Variants in CELF4 observed in about 807,000 individuals in gnomAD.
The protein encoded by CELF4 is CUG-BP- and ETR-3-like factor 4.
In CELF4, 18 loss-of-function variants were observed where a neutral mutation model predicts 59.9. The ratio of observed to expected loss-of-function variants is 0.30; its 90% CI spans 0.21 to 0.45. CELF4 has a LOEUF of 0.45. Ranked by LOEUF, CELF4 falls within the 20% of genes least tolerant of loss-of-function variation. The probability of loss-of-function intolerance (pLI) is 1.00; values close to 1 mark genes in which losing one functional copy is unlikely to be tolerated. For synonymous variants in CELF4, 261 were observed against 267.1 expected (o/e 0.98, Z 0.22); for missense variants, 456 against 689.0 (o/e 0.66, Z 3.79).
At chr18:37,353,636 G>A (rs1248172548) in intron 2 of CELF4, among the ~76,000 whole-genome samples, 1 of 149,464 alleles carries the variant, frequency 6.7e-6, no homozygotes, top group South Asian at 2.2e-4. Flanking sequence ...AGGATGTTAG[G>A]TGGGGCTGGG....
chr18:37,354,022 TG>T (rs564710851), intron 2 of CELF4, among the ~76,000 whole-genome samples: 4 of 152,258 alleles, frequency 2.6e-5, no homozygotes, highest in African/African-American at 9.6e-5. Flanking sequence ...CCCAAAGTGC[TG>T]GGATTACAGG....
At position 37,260,880 on chromosome 18, in the gene CELF4, C is replaced by G. The variant is rs560709371; in HGVS notation, c.1250-1616G>C. Among the ~76,000 whole-genome samples, 9 of 152,158 alleles carry G rather than the reference C, an allele frequency of 5.9e-5. No individual in the cohort carries two copies. In the South Asian group the frequency reaches 1.7e-3, roughly 28 times the overall value. Reference sequence around the variant, plus strand: ...CCCTGGACTGCTGGCTCCCAGGCATCCTGCTGGGGGACGGCGCATTCAGAA... The same window carrying G: ...CCCTGGACTGCTGGCTCCCAGGCATGCTGCTGGGGGACGGCGCATTCAGAA... On this transcript the variant is annotated intron_variant, in intron 10 of 12. Transcript: ENST00000420428.
At chr18:37,339,767 A>AG (rs2097921428) in intron 2 of CELF4, among the ~76,000 whole-genome samples, 1 of 151,836 alleles carries the variant, frequency 6.6e-6, no homozygotes, top group East Asian at 1.9e-4. Context: ...AAAAAAAAAA[A>AG]AAAGGCCTGG....
chr18:37,535,900 C>T (rs751680064), intron 1 of CELF4, among the ~76,000 whole-genome samples: 5 of 152,162 alleles, frequency 3.3e-5, no homozygotes, highest in East Asian at 1.9e-4. Flanking sequence ...CCTCTAGTCT[C>T]GAGGGCCTTG....
chr18:37,333,705 T>C (rs1282554521), intron 2 of CELF4, among the ~76,000 whole-genome samples: 1 of 151,402 alleles, frequency 6.6e-6, no homozygotes, highest in East Asian at 2.0e-4. Flanking sequence ...GAAGCTGTTG[T>C]TGTGATGGGC....
At chr18:37,543,332 G>A (rs182017565) in intron 1 of CELF4, among the ~76,000 whole-genome samples, 8 of 152,174 alleles carry the variant, frequency 5.3e-5, no homozygotes, top group African/African-American at 9.6e-5. Flanking sequence ...AACCCAGGCC[G>A]TACCCTGACC....
intron 3 of CELF4, among the ~76,000 whole-genome samples, chr18:37,317,321 A>T (rs990066220): frequency 1.3e-5 from 2 of 152,246 alleles, no homozygotes; most frequent in Non-Finnish European, 2.9e-5. Context: ...CGGGAGGCGG[A>T]GGTTGCAGTG....
intron 2 of CELF4, among the ~76,000 whole-genome samples, chr18:37,326,297 C>T (rs1477293919): frequency 2.0e-5 from 3 of 152,156 alleles, no homozygotes; most frequent in East Asian, 3.9e-4. Flanking sequence ...AGGCCAGTTG[C>T]CATCTCCTTG....
At chr18:37,314,166 C>T (rs550669762) in intron 3 of CELF4, among the ~76,000 whole-genome samples, 1 of 152,260 alleles carries the variant, frequency 6.6e-6, no homozygotes, top group African/African-American at 2.4e-5. Context: ...CACTGGCTTC[C>T]GGCCACACGG....
At chr18:37,423,041 C>T (rs1367208400) in intron 2 of CELF4, among the ~76,000 whole-genome samples, 1 of 150,670 alleles carries the variant, frequency 6.6e-6, no homozygotes. Context: ...GCAGGTTCTA[C>T]ACATAGACAC....
Position 37,244,467 on chromosome 18 carries a change from T to C in CELF4, c.*775A>G, listed in dbSNP as rs934178627. 2.0e-5 allele frequency: 3 copies of C among 152,624 alleles called. No homozygotes were observed. Among genetic ancestry groups the C allele is most frequent in the Non-Finnish European group, 4.4e-5 (3 of 68,030 alleles). 9.5% of individuals were successfully genotyped at this position (152,624 alleles called of 1,614,324 possible). A position where few individuals can be genotyped will look rare whatever the true frequency, so the allele number is the denominator to read the frequency against. On this transcript the variant is annotated 3_prime_UTR_variant, in exon 13 of 13. Coordinates refer to ENST00000420428, the MANE Select transcript of CELF4 (RefSeq NM_020180.4). ...TACAGAAAACCATAGGAAAGTGTCA[T>C]AGACTTGGATGAGGGTCATCAAAGC...
chr18:37,310,852 T>C (rs1031274386), intron 3 of CELF4, among the ~76,000 whole-genome samples: 2 of 152,110 alleles, frequency 1.3e-5, no homozygotes, highest in African/African-American at 4.8e-5. Flanking sequence ...CTTTCTCTCC[T>C]CTCGCCCATC....
intron 2 of CELF4, among the ~76,000 whole-genome samples, chr18:37,414,160 C>T (rs1269337995): frequency 6.6e-6 from 1 of 152,140 alleles, no homozygotes; most frequent in Non-Finnish European, 1.5e-5. Flanking sequence ...AGTATAATGC[C>T]AGTTTCAAGT....
intron 2 of CELF4, among the ~76,000 whole-genome samples, chr18:37,430,470 G>A (rs556586245): frequency 4.9e-4 from 74 of 152,134 alleles, no homozygotes; most frequent in Middle Eastern, 3.2e-3. Context: ...CACAAACCTC[G>A]GGGCAGGGAG....
intron 8 of CELF4, among the ~76,000 whole-genome samples, chr18:37,270,182 A>G (rs1039033523): frequency 1.6e-5 from 1 of 60,974 alleles, no homozygotes; most frequent in African/African-American, 1.3e-4. Flanking sequence ...TCCGTGTGCC[A>G]GACTATTTGA....
chr18:37,330,289 C>T (rs1236180939), intron 2 of CELF4, among the ~76,000 whole-genome samples: 2 of 152,180 alleles, frequency 1.3e-5, no homozygotes, highest in Admixed American at 6.5e-5. Flanking sequence ...CTGTTGAATT[C>T]CAGGGGCTGT....
intron 2 of CELF4, among the ~76,000 whole-genome samples, chr18:37,410,793 C>T (rs777096259): frequency 1.3e-5 from 2 of 152,208 alleles, no homozygotes; most frequent in Non-Finnish European, 2.9e-5. Flanking sequence ...CTGAGGTGGA[C>T]ATGTGCCTGT....
At chr18:37,529,696 G>A (rs1387557961) in intron 1 of CELF4, among the ~76,000 whole-genome samples, 1 of 152,208 alleles carries the variant, frequency 6.6e-6, no homozygotes, top group Non-Finnish European at 1.5e-5. Flanking sequence ...TTGAGGGAAA[G>A]TGTGATGTGG....
intron 1 of CELF4, among the ~76,000 whole-genome samples, chr18:37,515,823 G>A (rs2099950074): frequency 6.6e-6 from 1 of 152,128 alleles, no homozygotes; most frequent in Non-Finnish European, 1.5e-5. Context: ...TTCGCAGAGG[G>A]GCTGGAGGAC....
Sources: allele counts gnomAD v4.1 joint callset (sites outside exome capture counted in the v4.1 genomes callset), GRCh38; gene constraint gnomAD v4.1.1; transcripts MANE v1.5; gene names NCBI Gene and HGNC (gene_info 2026-07-23, HGNC 2026-07-21).